The following WDR25 variants were observed in gnomAD, a reference collection of about 807,000 sequenced individuals.
WDR25 encodes the protein WD repeat-containing protein 25.
Under a neutral mutation model 47.7 loss-of-function variants are expected in WDR25, and 35 were observed. The ratio of observed to expected loss-of-function variants is 0.73; its 90% confidence interval spans 0.56 to 0.97. The LOEUF is 0.97. Ranked by LOEUF, WDR25 falls within the 50% of genes least tolerant of loss-of-function variation. The probability of loss-of-function intolerance (pLI) is 0.00; values close to 1 mark genes in which losing one functional copy is unlikely to be tolerated. For synonymous variants in WDR25, 248 were observed against 278.9 expected, an observed-to-expected ratio of 0.89 and a Z score of 1.10; for missense variants, 634 against 704.7, an observed-to-expected ratio of 0.90 and a Z score of 1.14.
chr14:100,393,241 C>A (rs545259126), intron 2 of WDR25, among the ~76,000 whole-genome samples: 7 of 152,370 alleles, frequency 4.6e-5, no homozygotes, highest in East Asian at 1.9e-4. Flanking sequence ...CACAGCCTGA[C>A]AACTGTAGGG....
chr14:100,458,347 G>T (rs1014349922), intron 2 of WDR25, among the ~76,000 whole-genome samples: 2 of 152,290 alleles, frequency 1.3e-5, no homozygotes, highest in Middle Eastern at 3.4e-3. Context: ...TGTAATGTCA[G>T]CTGCTTAAAC....
intron 4 of WDR25, among the ~76,000 whole-genome samples, chr14:100,486,215 G>A (rs572436663): frequency 1.1e-4 from 16 of 152,236 alleles, no homozygotes; most frequent in East Asian, 3.9e-4. Context: ...TTATGGGTGC[G>A]CTTACTGTTT....
chr14:100,486,180 C>T (rs1900376028), intron 4 of WDR25, among the ~76,000 whole-genome samples: 1 of 152,168 alleles, frequency 6.6e-6, no homozygotes, highest in African/African-American at 2.4e-5. Flanking sequence ...CCTGAGCACC[C>T]AGCCACTCCT....
chr14:100,476,243 C>G (rs1477949137), intron 3 of WDR25, among the ~76,000 whole-genome samples: 1 of 152,246 alleles, frequency 6.6e-6, no homozygotes, highest in Non-Finnish European at 1.5e-5. Flanking sequence ...GGCTCTCAGG[C>G]CAGACCCTTC....
intron 2 of WDR25, among the ~76,000 whole-genome samples, chr14:100,409,420 C>G (rs1254856327): frequency 6.7e-6 from 1 of 150,256 alleles, no homozygotes; most frequent in Non-Finnish European, 1.5e-5. Context: ...TGCAGAGGAC[C>G]CCCCCCCACC....
chr14:100,504,769 A>T (rs987605063), intron 4 of WDR25: 1 of 152,074 alleles, frequency 6.6e-6, no homozygotes, highest in Non-Finnish European at 1.5e-5. Context: ...GTGGTGTAGT[A>T]TATATATATT....
chr14:100,432,239 TAAAC>T (rs1005536248), intron 2 of WDR25, among the ~76,000 whole-genome samples: 2 of 152,070 alleles, frequency 1.3e-5, no homozygotes, highest in Non-Finnish European at 2.9e-5. Flanking sequence ...AGAAAGAAAA[TAAAC>T]AAAATGAAAG....
At position 100,529,982 on chromosome 14, in the gene WDR25, G is replaced by C. The variant is rs147626247; in HGVS notation, c.1576G>C (p.Val526Leu). The C allele has an allele frequency of 6.8e-6, 11 of 1,613,298 alleles. No individual in the cohort carries two copies. Among genetic ancestry groups the C allele is most frequent in the African/African-American group, 2.7e-5 (2 of 74,930 alleles). The part of the protein sequence containing the change: ...QACVGTTYHP[V>L]LPSVLATCSW... ...CTGTGTCGGCACCACCTATCACCCC[G>C]TGCTGCCCTCCGTCCTCGCCACCTG... The change falls in exon 7 of 7, where the codon GTG becomes CTG. Residue 526 changes from valine (V) to leucine (L), a missense_variant. Physicochemically the swap from Val to Leu is conservative, Grantham distance 32. Transcript: ENST00000402312. This position sits in a 1 kb window ranked among gnomAD's most constrained non-coding sequence, Gnocchi z 5.1.
At position 100,529,643 on chromosome 14, in the gene WDR25, G is replaced by A. The variant is rs1343422919; in HGVS notation, c.1414-177G>A. 1 of 694,034 alleles carries A rather than the reference G, an allele frequency of 1.4e-6. No individual in the cohort carries two copies. The highest frequency in any genetic ancestry group is 2.4e-6 in the Non-Finnish European group (1 of 422,704). The allele number at this position is 694,034 out of a possible 1,614,324, so 43.0% of individuals were successfully genotyped here. ...TGAACTGGCCTTGGGATGTGGGCCCGCATCAGGGCTCTACAGCCTCATGGG... is the reference window on the plus strand; with the variant it reads ...TGAACTGGCCTTGGGATGTGGGCCCACATCAGGGCTCTACAGCCTCATGGG... On this transcript the variant is annotated intron_variant, in intron 6 of 6. Transcript: ENST00000402312. The surrounding 1 kb of genome is among the most constrained non-coding windows in gnomAD (Gnocchi z 5.1).
At chr14:100,476,440 C>T (rs2140308620) in intron 3 of WDR25, 1 of 152,310 alleles carries the variant, frequency 6.6e-6, no homozygotes, top group Non-Finnish European at 1.5e-5. Context: ...ATGCCTACTG[C>T]CTGGAAACAC....
chr14:100,473,123 A>G (rs527443415), intron 3 of WDR25, among the ~76,000 whole-genome samples: 9 of 152,236 alleles, frequency 5.9e-5, no homozygotes, highest in African/African-American at 2.2e-4. Context: ...GCTACAAGGA[A>G]AAAGAGAATG....
rs1005170118 is a variant in WDR25 at position 100,499,295 on chromosome 14, C to T, written c.1101+15171C>T. Among the ~76,000 whole-genome samples the T allele has an allele frequency of 1.3e-5, 2 of 152,100 alleles. No homozygotes were observed. The highest frequency in any genetic ancestry group is 4.8e-5 in the African/African-American group (2 of 41,420). ...CATATTGTTAAAAGGTTTTTGGATG[C>T]TATAATTTTTAATAATTACTCAATA... On this transcript the variant is annotated intron_variant, in intron 4 of 6. Coordinates refer to ENST00000402312, the MANE Select transcript of WDR25 (RefSeq NM_001161476.3). This position sits in a 1 kb window ranked among gnomAD's most constrained non-coding sequence, Gnocchi z 4.4.
chr14:100,380,937 ACT>A lies in WDR25; in HGVS notation c.16_17del (p.Leu6ValfsTer10), dbSNP rs1238587122. The A allele has an allele frequency of 1.2e-6, 2 of 1,612,208 alleles. No individual in the cohort carries two copies. The highest frequency in any genetic ancestry group is 1.7e-5 in the Admixed American group (1 of 59,966). On this transcript the variant is annotated frameshift_variant, in exon 2 of 7. Coordinates refer to ENST00000402312, the MANE Select transcript of WDR25 (RefSeq NM_001161476.3). LOFTEE classifies it high-confidence loss of function. MTARTLSLMASLVAY... is the reference protein window; with the variant it reads MTARXLSLMASLVAY... ...GGTTTGGCTTTGAATGACAGCAAGA[ACT>A]CTGTCTTTAATGGCTTCATTGGTAG...
At chr14:100,484,629 A>G (rs892262907) in intron 4 of WDR25, among the ~76,000 whole-genome samples, 1 of 152,108 alleles carries the variant, frequency 6.6e-6, no homozygotes, top group Non-Finnish European at 1.5e-5. Context: ...CCCATCCTTT[A>G]TTACAACCTG....
In WDR25 at chr14:100,525,755, T is replaced by G. The variant is rs961222952; in HGVS notation, c.1102-115T>G. The G allele has an allele frequency of 1.6e-5, 20 of 1,220,958 alleles. No homozygotes were observed. Among genetic ancestry groups the G allele is most frequent in the Middle Eastern group, 2.8e-4 (1 of 3,538 alleles). 75.6% of individuals were successfully genotyped at this position (1,220,958 alleles called of 1,614,324 possible). ...GGGTGCTGCTCAGCCTGGGTGTGTGTGGCCCAGCATAAACTTCACTAAACC... is the reference window on the plus strand; with the variant it reads ...GGGTGCTGCTCAGCCTGGGTGTGTGGGGCCCAGCATAAACTTCACTAAACC... On this transcript the variant is annotated intron_variant, in intron 4 of 6. Coordinates refer to ENST00000402312, the MANE Select transcript of WDR25 (RefSeq NM_001161476.3). The surrounding 1 kb of genome is among the most constrained non-coding windows in gnomAD (Gnocchi z 4.6).
At chr14:100,400,313 G>A (rs1415625611) in intron 2 of WDR25, among the ~76,000 whole-genome samples, 1 of 152,232 alleles carries the variant, frequency 6.6e-6, no homozygotes, top group African/African-American at 2.4e-5. Flanking sequence ...ACTGGGCTTT[G>A]TGGTCCCCTC....
At position 100,381,265 on chromosome 14, in the gene WDR25, G is replaced by A. The variant is rs368030091; in HGVS notation, c.341G>A (p.Cys114Tyr). The A allele has an allele frequency of 5.6e-6, 9 of 1,614,072 alleles. No individual in the cohort carries two copies. Among genetic ancestry groups the A allele is most frequent in the African/African-American group, 2.7e-5 (2 of 75,004 alleles). The part of the protein sequence containing the change: ...QVTFPIKEPS[C>Y]SSLWTSHVPA... ...ACCTTCCCCATCAAAGAGCCTTCTT[G>A]TTCTTCTCTGTGGACGAGCCATGTT... Residue 114 changes from cysteine (C) to tyrosine (Y), a missense_variant, in exon 2 of 7, where the codon TGT becomes TAT. Coordinates refer to ENST00000402312, the MANE Select transcript of WDR25 (RefSeq NM_001161476.3).
intron 2 of WDR25, among the ~76,000 whole-genome samples, chr14:100,446,564 A>G (rs1201193593): frequency 6.6e-6 from 1 of 151,960 alleles, no homozygotes; most frequent in South Asian, 2.1e-4. Context: ...AAAAAAAAAA[A>G]AAAAAAAGTA....
chr14:100,377,953 G>T (rs753491389), intron 1 of WDR25, among the ~76,000 whole-genome samples: 1 of 152,104 alleles, frequency 6.6e-6, no homozygotes, highest in East Asian at 1.9e-4. Flanking sequence ...TTTGATTAAG[G>T]TTGGGTGCAC....
Sources: allele counts gnomAD v4.1 joint callset (sites outside exome capture counted in the v4.1 genomes callset), GRCh38; gene constraint gnomAD v4.1.1; non-coding constraint Gnocchi (gnomAD v3.1); transcripts MANE v1.5; gene names NCBI Gene and HGNC (gene_info 2026-07-23, HGNC 2026-07-21).